Variants in ZMYM1 observed in about 807,000 individuals in gnomAD.
The protein encoded by ZMYM1 is zinc finger MYM-type protein 1.
ZMYM1 carries 39 observed loss-of-function variants against 60.0 expected under a neutral mutation model. That is an observed-to-expected ratio of 0.65 (90% CI 0.50 to 0.85). The LOEUF (loss-of-function observed/expected upper bound fraction) is 0.85. ZMYM1 is among the 40% of genes least tolerant of loss of function. ZMYM1 has a pLI of 0.00. For synonymous variants in ZMYM1, 413 were observed against 454.0 expected (o/e 0.91, Z 1.15); for missense variants, 1,171 against 1,309.5 (o/e 0.89, Z 1.63).
chr1:35,102,282 T>A (rs1277575747), intron 4 of ZMYM1, among the ~76,000 whole-genome samples: 1 of 152,190 alleles, frequency 6.6e-6, no homozygotes, highest in Non-Finnish European at 1.5e-5. Context: ...TTTTGTACCA[T>A]GTGGATCAGT....
At chr1:35,091,856 A>C (rs1041788175) in intron 1 of ZMYM1, among the ~76,000 whole-genome samples, 4 of 139,282 alleles carry the variant, frequency 2.9e-5, no homozygotes, top group African/African-American at 1.1e-4. Flanking sequence ...AGATAGTGCC[A>C]CTGCCTGAGT....
rs538401072 is a variant in ZMYM1, at chr1:35,101,508, G to A, written c.420-2787G>A. Among the ~76,000 whole-genome samples, 4 of 149,602 alleles carry A rather than the reference G, an allele frequency of 2.7e-5. No individual in the cohort carries two copies. The East Asian group carries it at 5.8e-4, about 22-fold the overall frequency. On this transcript the variant is annotated intron_variant, in intron 4 of 9. Coordinates refer to ENST00000359858, the MANE Select transcript of ZMYM1 (RefSeq NM_024772.5). ...AAGAAGCATTTTCAGACTTCCATGC[G>A]TCGCTGATGTAGTTTCTTCTTCCTC...
chr1:35,096,522 T>C (rs1310182225), intron 3 of ZMYM1, among the ~76,000 whole-genome samples: 3 of 149,636 alleles, frequency 2.0e-5, no homozygotes, highest in African/African-American at 7.4e-5. Context: ...CTTGGGAGGC[T>C]GAGGCGGGAG....
At chr1:35,083,465 G>T (rs1371060652) in intron 1 of ZMYM1, among the ~76,000 whole-genome samples, 1 of 152,038 alleles carries the variant, frequency 6.6e-6, no homozygotes, top group African/African-American at 2.4e-5. Flanking sequence ...GTGCTTTTAA[G>T]ATTTTCTTTT....
chr1:35,086,982 CTTTTTTTTTTTTTT>C (rs1184601007), intron 1 of ZMYM1, among the ~76,000 whole-genome samples: 2 of 100,112 alleles, frequency 2.0e-5, no homozygotes, highest in South Asian at 3.3e-4. Flanking sequence ...CGCACCCAGC[CTTTTTTTTTTTTTT>C]TTTTTTTTTT....
At chr1:35,079,543 G>T (rs1020609993) in intron 1 of ZMYM1, 101 bp downstream of exon 1, 1 of 152,384 alleles carries the variant, frequency 6.6e-6, no homozygotes, top group African/African-American at 2.4e-5. Flanking sequence ...TGACGCGCCG[G>T]GTCGGGGTTT....
chr1:35,111,699 A>T, intron 7 of ZMYM1, 73 bp from the exon 8 acceptor site: 1 of 1,362,206 alleles, frequency 7.3e-7, no homozygotes. Flanking sequence ...ATTTCTTTAA[A>T]CAGTATTACT....
At chr1:35,092,984 T>C (rs1459413958) in intron 1 of ZMYM1, among the ~76,000 whole-genome samples, 1 of 152,130 alleles carries the variant, frequency 6.6e-6, no homozygotes, top group Non-Finnish European at 1.5e-5. Flanking sequence ...AGGAGAGTAC[T>C]GGGGAATTGT....
chr1:35,110,559 A>AGTTT, intron 7 of ZMYM1, 112 bp downstream of exon 7: 1 of 924,918 alleles, frequency 1.1e-6, no homozygotes, highest in Non-Finnish European at 1.4e-6. Flanking sequence ...TTTAAAAGTC[A>AGTTT]AAACAATCTA....
Position 35,104,360 on chromosome 1 carries a change from T to C in ZMYM1, c.485T>C (p.Phe162Ser). ...GAAGACACTACCTCTTGCAAAACTTTTTGCAGCCTATCTTGTCTTTCATCA... is the reference window on the plus strand; with the variant it reads ...GAAGACACTACCTCTTGCAAAACTTCTTGCAGCCTATCTTGTCTTTCATCA... ...QLEDTTSCKT[F>S]CSLSCLSSYE... Residue 162 changes from phenylalanine to serine, a missense_variant, in exon 5 of 10, where the codon TTT becomes TCT. Transcript: ENST00000359858. 6.2e-7 allele frequency: 1 copy of C among 1,612,678 alleles called. No individual in the cohort carries two copies. Among genetic ancestry groups the C allele is most frequent in the Non-Finnish European group, 8.5e-7 (1 of 1,179,624 alleles).
At chr1:35,062,643 A>G (rs1021655291) in intron 1 of ZMYM1, among the ~76,000 whole-genome samples, 1 of 152,254 alleles carries the variant, frequency 6.6e-6, no homozygotes, top group Admixed American at 6.5e-5. Flanking sequence ...TTAAAGCCTT[A>G]AATTCTTATC....
intron 6 of ZMYM1, among the ~76,000 whole-genome samples, chr1:35,106,499 C>T (rs1643892015): frequency 6.7e-6 from 1 of 150,178 alleles, no homozygotes; most frequent in African/African-American, 2.5e-5. Flanking sequence ...ATCCCAACTA[C>T]TTGGGAGGCT....
chr1:35,115,080 G>A lies in ZMYM1; in HGVS notation c.3250G>A (p.Glu1084Lys). The A allele has an allele frequency of 1.2e-6, 2 of 1,614,036 alleles. No homozygotes were observed. The highest frequency in any genetic ancestry group is 3.3e-5 in the Admixed American group (2 of 60,022). ...TTGGCCAATTACTTCAGCAAGTACT[G>A]AGAACTCATTTTCTACCCTGCCTCG... Reference protein sequence around the residue: ...LSWPITSASTENSFSTLPRLK... With the variant: ...LSWPITSASTKNSFSTLPRLK... Residue 1084 changes from glutamate to lysine, a missense_variant, in exon 10 of 10, where the codon GAG (glutamate) becomes AAG (lysine). Coordinates refer to ENST00000359858, the MANE Select transcript of ZMYM1 (RefSeq NM_024772.5).
chr1:35,075,926 A>G (rs1290964992), upstream of ZMYM1, among the ~76,000 whole-genome samples: 2 of 152,212 alleles, frequency 1.3e-5, no homozygotes, highest in Non-Finnish European at 2.9e-5. Flanking sequence ...CAATCACCCA[A>G]TTCCCCAATA....
At chr1:35,075,403 CT>C (rs1470422178), upstream of ZMYM1, among the ~76,000 whole-genome samples, 1 of 152,030 alleles carries the variant, frequency 6.6e-6, no homozygotes, top group African/African-American at 2.4e-5. Flanking sequence ...ACAATCTCAG[CT>C]CATTGCAACC....
At chr1:35,076,279 A>C (rs1642164579), upstream of ZMYM1, among the ~76,000 whole-genome samples, 1 of 152,182 alleles carries the variant, frequency 6.6e-6, no homozygotes, top group African/African-American at 2.4e-5. Flanking sequence ...GACACCTTCC[A>C]GGACAGGACT....
chr1:35,090,387 A>G (rs1233834062), intron 1 of ZMYM1, among the ~76,000 whole-genome samples: 3 of 152,174 alleles, frequency 2.0e-5, no homozygotes, highest in Non-Finnish European at 4.4e-5. Context: ...CTGTCTTTGA[A>G]AAAGAGACCT....
intron 6 of ZMYM1, 101 bp from the exon 7 acceptor site, chr1:35,110,193 T>A: frequency 1.1e-6 from 1 of 904,668 alleles, no homozygotes; most frequent in Non-Finnish European, 1.5e-6. Context: ...TTAATTGTTA[T>A]TCTTTTTAAT....
chr1:35,105,126 C>CTTTTTTTTTTTTTTTTTTTTTTTTT (rs1029051953), intron 6 of ZMYM1, among the ~76,000 whole-genome samples: 1 of 96,580 alleles, frequency 1.0e-5, no homozygotes, highest in Non-Finnish European at 2.0e-5. Flanking sequence ...TTATTTCTTT[C>CTTTTTTTTTTTTTTTTTTTTTTTTT]TTTTTTTTTT....
Sources: gnomAD v4.1 joint callset for allele counts (sites outside exome capture counted in the v4.1 genomes callset) on GRCh38, gnomAD v4.1.1 for gene constraint, MANE v1.5 for transcripts, NCBI Gene and HGNC (gene_info 2026-07-23, HGNC 2026-07-21) for gene names.